The following PYROXD2 variants were observed in gnomAD, a reference collection of about 807,000 sequenced individuals.
PYROXD2 encodes the protein pyridine nucleotide-disulfide oxidoreductase domain-containing protein 2.
A neutral mutation model predicts 71.1 loss-of-function variants in PYROXD2; 69 were observed. The ratio of observed to expected loss-of-function variants is 0.97; its 90% CI spans 0.80 to 1.19. The LOEUF (loss-of-function observed/expected upper bound fraction) is 1.19. Ranked by LOEUF, PYROXD2 falls within the 50% of genes most tolerant of loss-of-function variation. The pLI, the probability that PYROXD2 is intolerant of heterozygous loss-of-function variation, is 0.00. For synonymous variants in PYROXD2, 287 were observed against 302.7 expected (o/e 0.95, Z 0.54); for missense variants, 745 against 748.9 (o/e 0.99, Z 0.06).
In PYROXD2 at chr10:98,390,677, A is replaced by C; in HGVS notation, c.1213T>G (p.Ser405Ala). 6.2e-7 allele frequency: 1 copy of C among 1,613,092 alleles called. No individual in the cohort carries two copies. The highest frequency in any genetic ancestry group is 2.2e-5 in the East Asian group (1 of 44,850). The change falls in exon 12 of 16, where the codon TCC becomes GCC. Residue 405 changes from serine to alanine, a missense_variant. Coordinates refer to ENST00000370575, the MANE Select transcript of PYROXD2 (RefSeq NM_032709.3). ...RGQPLPHHQC[S>A]IHLNCEDTLL... The stretch of plus-strand genomic sequence containing the variant: ...GTGTCTTCACAGTTCAGGTGGATGG[A>C]GCATTGGTGATGGGGCAGCGGCTGG...
chr10:98,413,649 G>A (rs1166201604), intron 1 of PYROXD2, among the ~76,000 whole-genome samples: 1 of 152,154 alleles, frequency 6.6e-6, no homozygotes, highest in Non-Finnish European at 1.5e-5. Flanking sequence ...AGGAGGCGGA[G>A]GTTGCAGTGA....
In PYROXD2 at chr10:98,392,496, A is replaced by G. The variant is rs201809866; in HGVS notation, c.998T>C (p.Val333Ala). The G allele has an allele frequency of 2.2e-5, 35 of 1,613,522 alleles. No individual in the cohort carries two copies. In the East Asian group the frequency reaches 6.5e-4, roughly 30 times the overall value. The stretch of plus-strand genomic sequence containing the variant: ...GTTGGACAGCACCATTTTGCTTCTC[A>G]CCTCTGTGCCATCTTCCAGCACAAC... Reference protein sequence around the residue: ...QGVVLEDGTEVRSKMVLSNTS... With the variant: ...QGVVLEDGTEARSKMVLSNTS... Residue 333 changes from valine to alanine, a missense_variant, in exon 10 of 16, where the codon GTG becomes GCG. Transcript: ENST00000370575.
intron 12 of PYROXD2, among the ~76,000 whole-genome samples, chr10:98,390,324 T>A (rs1842903930): frequency 7.2e-5 from 11 of 152,178 alleles, no homozygotes; most frequent in Admixed American, 7.2e-4. Flanking sequence ...CATTTTCTCC[T>A]CTTCTTCCCC....
rs187518036 is a variant in PYROXD2 at position 98,397,440 on chromosome 10, A to C, written c.530T>G (p.Leu177Arg). 54 of 1,613,536 alleles carry C rather than the reference A, an allele frequency of 3.3e-5. No homozygotes were observed. In the East Asian group the frequency reaches 1.2e-3, roughly 35 times the overall value. ...HRLALAIDPL[L>R]DAAPVDMAAF... Reference sequence around the variant, plus strand: ...CGCCATGTCCACGGGGGCCGCATCCAGCAGAGGGTCAATGGCTAATGCCAA... The same window carrying C: ...CGCCATGTCCACGGGGGCCGCATCCCGCAGAGGGTCAATGGCTAATGCCAA... The change falls in exon 6 of 16, where the codon CTG becomes CGG. Residue 177 changes from leucine (L) to arginine (R), a missense_variant. Leu to Arg is a moderately radical substitution (Grantham distance 102). Transcript: ENST00000370575.
In PYROXD2 at chr10:98,391,028, G is replaced by T; in HGVS notation, c.1117C>A (p.Pro373Thr). 6.2e-7 allele frequency: 1 copy of T among 1,613,016 alleles called. No homozygotes were observed. Among genetic ancestry groups the T allele is most frequent in the Non-Finnish European group, 8.5e-7 (1 of 1,179,118 alleles). The change falls in exon 11 of 16, where the codon CCT (proline) becomes ACT (threonine). Residue 373 changes from proline (P) to threonine (T), a missense_variant. By Grantham distance (38) the Pro-to-Thr change is conservative (BLOSUM62 -1). Transcript: ENST00000370575. ...CTCTTACCATTGATCTTGGTGACAGGCGACCGGGTGTCCAGCTGAGAGATT... is the reference window on the plus strand; with the variant it reads ...CTCTTACCATTGATCTTGGTGACAGTCGACCGGGTGTCCAGCTGAGAGATT... ...ERISQLDTRSPVTKINVAVDR... is the reference protein window; with the variant it reads ...ERISQLDTRSTVTKINVAVDR...
intron 12 of PYROXD2, among the ~76,000 whole-genome samples, chr10:98,389,692 G>A (rs1237531028): frequency 1.3e-5 from 2 of 152,044 alleles, no homozygotes; most frequent in African/African-American, 2.4e-5. Context: ...ACTTCCTTCC[G>A]GTCTCCGCTC....
chr10:98,384,666 C>T (rs1291819096), intron 15 of PYROXD2, among the ~76,000 whole-genome samples: 1 of 152,188 alleles, frequency 6.6e-6, no homozygotes, highest in Non-Finnish European at 1.5e-5. Flanking sequence ...CTCACAACCC[C>T]ACATTGGAAT....
chr10:98,390,941 C>T, intron 11 of PYROXD2, 69 bp downstream of exon 11: 1 of 1,399,696 alleles, frequency 7.1e-7, no homozygotes, highest in Non-Finnish European at 1.0e-6. Flanking sequence ...GTTCAGCTGC[C>T]CCCAGCCTGG....
At chr10:98,399,799 A>G (rs959168489) in intron 5 of PYROXD2, among the ~76,000 whole-genome samples, 15 of 152,246 alleles carry the variant, frequency 9.9e-5, no homozygotes, top group Non-Finnish European at 1.8e-4. Context: ...ACGCCAGTGT[A>G]AGAACGTGCC....
At chr10:98,406,273 A>G (rs1012385060) in intron 4 of PYROXD2, among the ~76,000 whole-genome samples, 2 of 152,250 alleles carry the variant, frequency 1.3e-5, no homozygotes, top group African/African-American at 4.8e-5. Context: ...TTAAAGAAAG[A>G]GAATAATCAA....
intron 13 of PYROXD2, chr10:98,388,038 T>C: frequency 6.6e-6 from 2 of 302,290 alleles, no homozygotes; most frequent in South Asian, 6.5e-5. Context: ...AAGCCTTCCT[T>C]GTCTCTCTGG....
At chr10:98,406,711 G>A (rs1420921538) in intron 4 of PYROXD2, among the ~76,000 whole-genome samples, 2 of 152,012 alleles carry the variant, frequency 1.3e-5, no homozygotes, top group Non-Finnish European at 2.9e-5. Flanking sequence ...GGCTAACACG[G>A]TGAAAGCCCT....
Position 98,385,017 on chromosome 10 carries a change from G to T in PYROXD2, c.1605C>A (p.Pro535=), listed in dbSNP as rs146291532. ...MSLDQLYFAR[P]VPLHSGYRCP... ...AGCGGTAGCCAGAATGCAGGGGCACGGGGCGGGCGAAGTAGAGCTGGTCCA... is the reference window on the plus strand; with the variant it reads ...AGCGGTAGCCAGAATGCAGGGGCACTGGGCGGGCGAAGTAGAGCTGGTCCA... Residue 535 remains proline, a synonymous_variant, in exon 15 of 16, where the codon CCC becomes CCA. Transcript: ENST00000370575. The T allele has an allele frequency of 1.2e-6, 2 of 1,613,856 alleles. No individual in the cohort carries two copies. The highest frequency in any genetic ancestry group is 2.2e-5 in the South Asian group (2 of 91,042).
chr10:98,407,476 C>T, intron 4 of PYROXD2, 106 bp downstream of exon 4: 2 of 1,385,282 alleles, frequency 1.4e-6, no homozygotes, highest in East Asian at 2.4e-5. Flanking sequence ...AGGGAGCCCT[C>T]AGGGGCGGGC....
chr10:98,410,694 T>C (rs1252000076), intron 2 of PYROXD2: 8 of 564,456 alleles, frequency 1.4e-5, no homozygotes, highest in Non-Finnish European at 1.8e-5. Context: ...TCACAGGCCA[T>C]GGGGAAACCA....
intron 4 of PYROXD2, among the ~76,000 whole-genome samples, chr10:98,404,603 T>A (rs1843531281): frequency 6.6e-6 from 1 of 152,226 alleles, no homozygotes; most frequent in Non-Finnish European, 1.5e-5. Flanking sequence ...ACCCTTCTTT[T>A]ATTTACCCCA....
At chr10:98,413,442 G>A (rs1377686528) in intron 1 of PYROXD2, among the ~76,000 whole-genome samples, 3 of 152,198 alleles carry the variant, frequency 2.0e-5, no homozygotes, top group Non-Finnish European at 2.9e-5. Context: ...GAGGCCGGGC[G>A]CAGTGGCTCA....
Position 98,407,887 on chromosome 10 carries a change from G to A in PYROXD2, c.241+17C>T, listed in dbSNP as rs1843662381. 1.3e-6 allele frequency: 2 copies of A among 1,592,480 alleles called. No individual in the cohort carries two copies. The highest frequency in any genetic ancestry group is 8.6e-7 in the Non-Finnish European group (1 of 1,169,240). The stretch of plus-strand genomic sequence containing the variant: ...GAGTCACTGCCCTCCACTCCCCCAT[G>A]CCACATCAGAGCTCACCTGGGATGA... On this transcript the variant is annotated intron_variant, in intron 3 of 15. Coordinates refer to ENST00000370575, the MANE Select transcript of PYROXD2 (RefSeq NM_032709.3).
At chr10:98,413,391 T>C (rs1217209341) in intron 1 of PYROXD2, among the ~76,000 whole-genome samples, 2 of 152,194 alleles carry the variant, frequency 1.3e-5, no homozygotes, top group Non-Finnish European at 2.9e-5. Context: ...TAGAACAATA[T>C]TATCTTATTT....
Sources: allele counts gnomAD v4.1 joint callset (sites outside exome capture counted in the v4.1 genomes callset), GRCh38; gene constraint gnomAD v4.1.1; transcripts MANE v1.5; gene names NCBI Gene and HGNC (gene_info 2026-07-23, HGNC 2026-07-21).